The following DOCK10 variants were observed in gnomAD, a reference collection of about 807,000 sequenced individuals.
The protein encoded by DOCK10 is dedicator of cytokinesis protein 10.
In DOCK10, 145 loss-of-function variants were observed where a neutral mutation model predicts 280.1. The observed-to-expected ratio is 0.52, with a 90% CI of 0.45 to 0.59. The LOEUF (loss-of-function observed/expected upper bound fraction) is 0.59, where lower values mean the gene tolerates loss of function less well. Among genes scored for constraint, DOCK10 ranks in the 20% least tolerant of loss-of-function variants. DOCK10 has a pLI of 0.00. For synonymous variants in DOCK10, 915 were observed against 942.2 expected (o/e 0.97, Z 0.53); for missense variants, 2,368 against 2,651.7 (o/e 0.89, Z 2.35).
chr2:224,842,570 C>G (rs1696035494), intron 22 of DOCK10, among the ~76,000 whole-genome samples: 1 of 152,126 alleles, frequency 6.6e-6, no homozygotes, highest in African/African-American at 2.4e-5. Flanking sequence ...CCTCATTTCC[C>G]TCAGGCCACT....
At chr2:224,800,392 T>C (rs957043708) in intron 40 of DOCK10, 129 bp from the exon 41 acceptor site, 14 of 536,038 alleles carry the variant, frequency 2.6e-5, no homozygotes, top group African/African-American at 2.4e-4. Flanking sequence ...TAAATCAAAG[T>C]GTTTTTGTTT....
chr2:224,808,944 G>A (rs150231278), intron 31 of DOCK10, among the ~76,000 whole-genome samples: 482 of 152,214 alleles, frequency 3.2e-3, no homozygotes, highest in African/African-American at 0.01. Context: ...GAAACTGAGT[G>A]ACAAGAGTAA....
intron 5 of DOCK10, 40 bp downstream of exon 5, chr2:224,886,419 C>A (rs753980259): frequency 1.3e-6 from 2 of 1,568,498 alleles, no homozygotes; most frequent in South Asian, 2.2e-5. Context: ...AACTAATTAT[C>A]CTCATGTTTT....
intron 1 of DOCK10, among the ~76,000 whole-genome samples, chr2:224,963,801 T>C (rs1704577436): frequency 6.6e-6 from 1 of 152,226 alleles, no homozygotes; most frequent in Non-Finnish European, 1.5e-5. Context: ...AATTTTCAAT[T>C]ACTTGTCTTT....
intron 1 of DOCK10, among the ~76,000 whole-genome samples, chr2:224,997,128 A>AG (rs1706292616): frequency 6.6e-6 from 1 of 151,974 alleles, no homozygotes; most frequent in Non-Finnish European, 1.5e-5. Flanking sequence ...GCTTATTTCC[A>AG]TGTTTCTGTC....
rs530741023 is a variant in DOCK10 at position 224,768,104 on chromosome 2, AC to A, written c.6444+2106del. On this transcript the variant is annotated intron_variant, in intron 55 of 55. Coordinates refer to ENST00000258390, the MANE Select transcript of DOCK10 (RefSeq NM_014689.3). ...ATTTTTTTTTGTATTTTTAGTAGTG[AC>A]GGGGTTTCACCATGTTGGCCAAGCT... Among the ~76,000 whole-genome samples the A allele has an allele frequency of 2.3e-3, 348 of 151,992 alleles. 1 individual carries two copies. The highest frequency in any genetic ancestry group is 8.1e-3 in the African/African-American group (336 of 41,450).
intron 27 of DOCK10, among the ~76,000 whole-genome samples, chr2:224,827,488 G>A (rs768528052): frequency 2.0e-5 from 3 of 152,034 alleles, no homozygotes; most frequent in Non-Finnish European, 4.4e-5. Context: ...GCTGCTCACA[G>A]GTGTGTTTTG....
At chr2:224,858,715 G>T (rs111331706) in intron 14 of DOCK10, among the ~76,000 whole-genome samples, 70 of 152,284 alleles carry the variant, frequency 4.6e-4, no homozygotes, top group African/African-American at 1.7e-3. Context: ...TTACATAGAT[G>T]GTTTTGTGAT....
At chr2:225,017,741 T>C (rs538607567) in intron 1 of DOCK10, among the ~76,000 whole-genome samples, 2 of 150,256 alleles carry the variant, frequency 1.3e-5, no homozygotes, top group African/African-American at 4.9e-5. Context: ...AATGCTGGCC[T>C]TGCTGAATAT....
In DOCK10 at chr2:224,789,072, A is replaced by G. The variant is rs753949258; in HGVS notation, c.5410T>C (p.Tyr1804His). 1 of 1,611,668 alleles carries G rather than the reference A, an allele frequency of 6.2e-7. No individual in the cohort carries two copies. The highest frequency in any genetic ancestry group is 8.5e-7 in the Non-Finnish European group (1 of 1,178,098). Residue 1804 changes from tyrosine (Y) to histidine (H), a missense_variant, in exon 48 of 56, where the codon TAC (tyrosine) becomes CAC (histidine). Around this residue, in one of 2 missense-constraint regions of DOCK10, gnomAD observed 1,159 missense variants for 1,400.8 expected, o/e 0.83. Transcript: ENST00000258390. ...GATAATTTTGGTCTAACCTCATTGTATGGTGTATCTTGCATTCCAGAATCC... is the reference window on the plus strand; with the variant it reads ...GATAATTTTGGTCTAACCTCATTGTGTGGTGTATCTTGCATTCCAGAATCC... ...KEDSGMQDTP[Y>H]NENILVEQLY... is the part of the protein sequence containing the mutation.
intron 15 of DOCK10, among the ~76,000 whole-genome samples, chr2:224,856,508 C>T (rs533089821): frequency 3.3e-4 from 50 of 152,340 alleles, no homozygotes; most frequent in African/African-American, 1.1e-3. Context: ...TGATCTCTCT[C>T]AGCCCATGCC....
At chr2:224,947,526 G>A (rs1352274321) in intron 1 of DOCK10, among the ~76,000 whole-genome samples, 1 of 152,178 alleles carries the variant, frequency 6.6e-6, no homozygotes, top group Non-Finnish European at 1.5e-5. Context: ...TTGTATATTG[G>A]CTATCTAAAT....
chr2:224,862,803 A>G, intron 13 of DOCK10, 57 bp from the exon 14 acceptor site: 1 of 1,017,754 alleles, frequency 9.8e-7, no homozygotes, highest in Non-Finnish European at 1.4e-6. Context: ...AACTGTACAT[A>G]TAAAATAATA....
chr2:224,999,808 G>C lies in DOCK10; in HGVS notation c.123+42444C>G, dbSNP rs142027957. Among the ~76,000 whole-genome samples, 1,228 of 151,496 alleles carry C rather than the reference G, an allele frequency of 8.1e-3. 15 individuals are homozygous for C. Among genetic ancestry groups the C allele is most frequent in the African/African-American group, 0.029 (1,186 of 41,198 alleles). On this transcript the variant is annotated intron_variant, in intron 1 of 55. Coordinates refer to ENST00000258390, the MANE Select transcript of DOCK10 (RefSeq NM_014689.3). ...TAAGAAAAATTAAGCCCAAAGAAGCGGCGGTTCCAAGGTCTCCAACCTGAG... is the reference window on the plus strand; with the variant it reads ...TAAGAAAAATTAAGCCCAAAGAAGCCGCGGTTCCAAGGTCTCCAACCTGAG...
intron 1 of DOCK10, among the ~76,000 whole-genome samples, chr2:224,993,321 A>G (rs907163162): frequency 6.6e-6 from 1 of 151,872 alleles, no homozygotes; most frequent in South Asian, 2.1e-4. Context: ...AATGGTAGTC[A>G]TGTACTGTAT....
Position 225,042,305 on chromosome 2 carries a change from G to A in DOCK10, c.70C>T (p.His24Tyr), listed in dbSNP as rs1690460051. Residue 24 changes from histidine to tyrosine, a missense_variant, in exon 1 of 56, where the codon CAC becomes TAC. His to Tyr is a moderately conservative substitution (Grantham distance 83). Coordinates refer to ENST00000258390, the MANE Select transcript of DOCK10 (RefSeq NM_014689.3). This position sits in a 1 kb window ranked among gnomAD's most constrained non-coding sequence, Gnocchi z 5.1. Reference sequence around the variant, plus strand: ...ACCGCGGCGGCGGACGCGGCGCTGTGCCGGAGCTCGGCCGCCTGCCCAGGT... The same window carrying A: ...ACCGCGGCGGCGGACGCGGCGCTGTACCGGAGCTCGGCCGCCTGCCCAGGT... ...LRPGQAAELR[H>Y]SAASAAAVAV... The A allele has an allele frequency of 7.4e-7, 1 of 1,356,160 alleles. No individual in the cohort carries two copies. The highest frequency in any genetic ancestry group is 9.5e-7 in the Non-Finnish European group (1 of 1,050,580). 84.0% of individuals were successfully genotyped at this position (1,356,160 alleles called of 1,614,324 possible). A position where few individuals can be genotyped will look rare whatever the true frequency, so the allele number is the denominator to read the frequency against.
At chr2:224,860,042 C>T (rs942722960) in intron 14 of DOCK10, among the ~76,000 whole-genome samples, 1 of 152,140 alleles carries the variant, frequency 6.6e-6, no homozygotes, top group Non-Finnish European at 1.5e-5. Context: ...TATGTATATA[C>T]ACAGGTTGGT....
intron 33 of DOCK10, chr2:224,807,450 G>A (rs1014494976): frequency 1.5e-5 from 6 of 409,660 alleles, no homozygotes; most frequent in Admixed American, 1.1e-4. Flanking sequence ...ACAGAGAACA[G>A]AGAGAAATGA....
At chr2:224,812,442 T>G (rs1263594723) in intron 31 of DOCK10, among the ~76,000 whole-genome samples, 1 of 152,148 alleles carries the variant, frequency 6.6e-6, no homozygotes, top group Non-Finnish European at 1.5e-5. Context: ...ACAGGGACAA[T>G]TTGACTTCCT....
Sources: allele counts gnomAD v4.1 joint callset (sites outside exome capture counted in the v4.1 genomes callset), GRCh38; gene constraint gnomAD v4.1.1; regional missense constraint gnomAD v4.1.1; non-coding constraint Gnocchi (gnomAD v3.1); transcripts MANE v1.5; gene names NCBI Gene and HGNC (gene_info 2026-07-23, HGNC 2026-07-21).